DIS3L2: variants seen among roughly 807,000 people sequenced by gnomAD.
DIS3L2 encodes DIS3-like exonuclease 2.
In DIS3L2, 34 loss-of-function variants were observed where a neutral mutation model predicts 97.5. The ratio of observed to expected loss-of-function variants is 0.35; its 90% CI spans 0.27 to 0.46. DIS3L2 has a LOEUF of 0.46. Among genes scored for constraint, DIS3L2 ranks in the 20% least tolerant of loss-of-function variants. The pLI is 1.00. For missense variants in DIS3L2, 1,038 were observed against 1,146.0 expected (o/e 0.91, Z 1.36); for synonymous variants, 435 against 445.2 (o/e 0.98, Z 0.29).
At chr2:232,065,521 A>G (rs1695830181) in intron 5 of DIS3L2, among the ~76,000 whole-genome samples, 3 of 152,102 alleles carry the variant, frequency 2.0e-5, no homozygotes, top group African/African-American at 7.2e-5. Flanking sequence ...AATTTACTAT[A>G]TAAATGTGAT....
chr2:232,270,861 TC>T (rs1693974139), intron 13 of DIS3L2, among the ~76,000 whole-genome samples: 1 of 7,064 alleles, frequency 1.4e-4, no homozygotes, highest in Non-Finnish European at 3.0e-4. Flanking sequence ...CTTTTTCTCG[TC>T]TCTCTCTCTC....
Position 231,994,576 on chromosome 2 carries a change from A to T in DIS3L2, c.-93-20259A>T, listed in dbSNP as rs1342453167. 5.9e-5 allele frequency among the ~76,000 whole-genome samples: 9 copies of T among 152,124 alleles called. No individual in the cohort carries two copies. The East Asian group carries it at 1.7e-3, about 29-fold the overall frequency. On this transcript the variant is annotated intron_variant, in intron 1 of 20. Coordinates refer to ENST00000325385, the MANE Select transcript of DIS3L2 (RefSeq NM_152383.5). ...TAGGCCCCTTTACCCTCCCTGCTTT[A>T]TAGTTACATACATTGAAAACCACAT... is the stretch of plus-strand genomic sequence containing the variant.
In DIS3L2 at chr2:232,015,616, C is replaced by T. The variant is rs1216992165; in HGVS notation, c.155C>T (p.Thr52Ile). ...GGGAAGAAAAAGAGCATATTTGAAA[C>T]TTACATGTCCAAGGAGGATGTTTCA... ...TRGKKKSIFE[T>I]YMSKEDVSEG... Residue 52 changes from threonine (T) to isoleucine (I), a missense_variant, in exon 3 of 21, where the codon ACT becomes ATT. Physicochemically the swap from Thr to Ile is moderately conservative, Grantham distance 89. Coordinates refer to ENST00000325385, the MANE Select transcript of DIS3L2 (RefSeq NM_152383.5). The T allele has an allele frequency of 6.2e-7, 1 of 1,614,044 alleles. No homozygotes were observed. The highest frequency in any genetic ancestry group is 1.1e-5 in the South Asian group (1 of 91,068).
chr2:232,337,210 T>C, downstream of DIS3L2: 1 of 989,208 alleles, frequency 1.0e-6, no homozygotes, highest in Non-Finnish European at 1.2e-6. Context: ...AGCGCCCCCA[T>C]CACCCTGACG....
At chr2:232,203,787 G>A (rs1032027189) in intron 9 of DIS3L2, among the ~76,000 whole-genome samples, 2 of 152,178 alleles carry the variant, frequency 1.3e-5, no homozygotes, top group Non-Finnish European at 2.9e-5. Context: ...ATTCTTTGGG[G>A]CTGTGAGGGT....
intron 14 of DIS3L2, among the ~76,000 whole-genome samples, chr2:232,303,946 A>G (rs1411950630): frequency 1.3e-5 from 2 of 152,120 alleles, no homozygotes; most frequent in Non-Finnish European, 2.9e-5. Context: ...GCCTTCTCTA[A>G]GGCTAGAGGC....
intron 4 of DIS3L2, among the ~76,000 whole-genome samples, chr2:232,027,361 A>C (rs556999903): frequency 6.6e-6 from 1 of 152,302 alleles, no homozygotes; most frequent in South Asian, 2.1e-4. Context: ...TGTCAGAACC[A>C]GGGCCTAATT....
At chr2:232,203,811 G>A (rs1691960387) in intron 9 of DIS3L2, among the ~76,000 whole-genome samples, 1 of 152,214 alleles carries the variant, frequency 6.6e-6, no homozygotes, top group Admixed American at 6.5e-5. Context: ...CTGGAAAAAA[G>A]CTGGCATTGC....
Position 232,282,729 on chromosome 2 carries a change from C to A in DIS3L2, c.1660-17311C>A, listed in dbSNP as rs148559703. Among the ~76,000 whole-genome samples, 477 of 152,268 alleles carry A rather than the reference C, an allele frequency of 3.1e-3. 3 individuals carry two copies. The highest frequency in any genetic ancestry group is 4.7e-3 in the Non-Finnish European group (318 of 68,010). ...ACCCCTGCCTCTCTTTCGCACTGGCCCCTTCTCTGTGCTCAGTGTGCTGCT... is the reference window on the plus strand; with the variant it reads ...ACCCCTGCCTCTCTTTCGCACTGGCACCTTCTCTGTGCTCAGTGTGCTGCT... On this transcript the variant is annotated intron_variant, in intron 13 of 20. Coordinates refer to ENST00000325385, the MANE Select transcript of DIS3L2 (RefSeq NM_152383.5).
chr2:232,206,715 G>C (rs1048632953), intron 9 of DIS3L2, among the ~76,000 whole-genome samples: 1 of 152,088 alleles, frequency 6.6e-6, no homozygotes, highest in Non-Finnish European at 1.5e-5. Flanking sequence ...TGTTTGTCAG[G>C]TTCCATTTTA....
intron 6 of DIS3L2, among the ~76,000 whole-genome samples, chr2:232,110,449 C>G (rs1270034338): frequency 6.6e-6 from 1 of 152,128 alleles, no homozygotes; most frequent in Non-Finnish European, 1.5e-5. Context: ...AACCTAAATG[C>G]CCATCAGTGA....
At chr2:232,154,031 C>T (rs1372968372) in intron 8 of DIS3L2, among the ~76,000 whole-genome samples, 189 of 131,092 alleles carry the variant, frequency 1.4e-3, no homozygotes, top group African/African-American at 4.3e-3. Context: ...ACGTAGTTCT[C>T]GAGCCTTGGT....
chr2:232,288,359 G>C (rs1183067866), intron 13 of DIS3L2, among the ~76,000 whole-genome samples: 1 of 152,170 alleles, frequency 6.6e-6, no homozygotes, highest in Non-Finnish European at 1.5e-5. Context: ...ATCGTAGAGC[G>C]TCTCTTCTAA....
chr2:232,270,042 C>A (rs1430588812), intron 13 of DIS3L2, among the ~76,000 whole-genome samples: 1 of 151,916 alleles, frequency 6.6e-6, no homozygotes, highest in Non-Finnish European at 1.5e-5. Context: ...TGATTAGATG[C>A]GGAGGGGAGG....
intron 10 of DIS3L2, among the ~76,000 whole-genome samples, chr2:232,233,286 A>G (rs2087230): frequency 0.14 from 21,024 of 152,212 alleles, 1,958 homozygotes; most frequent in East Asian, 0.37. Context: ...ATGCTGGCAG[A>G]TCCAGTGTCT....
intron 10 of DIS3L2, among the ~76,000 whole-genome samples, chr2:232,225,759 C>CA (rs1159079964): frequency 6.6e-6 from 1 of 150,954 alleles, no homozygotes; most frequent in African/African-American, 2.4e-5. Context: ...TGAAGGAGTA[C>CA]AAAAAAAATG....
chr2:232,118,491 T>C (rs1697794675), intron 6 of DIS3L2, among the ~76,000 whole-genome samples: 1 of 152,244 alleles, frequency 6.6e-6, no homozygotes, highest in Admixed American at 6.5e-5. Context: ...TACAATTGAC[T>C]TAAAAACTTT....
chr2:231,971,053 T>G (rs1692891102), intron 1 of DIS3L2, among the ~76,000 whole-genome samples: 1 of 152,210 alleles, frequency 6.6e-6, no homozygotes, highest in Non-Finnish European at 1.5e-5. Context: ...TGAAAAGTCT[T>G]CAGGGGCAGT....
At chr2:232,066,789 G>C (rs377300031) in intron 5 of DIS3L2, among the ~76,000 whole-genome samples, 12 of 151,652 alleles carry the variant, frequency 7.9e-5, no homozygotes, top group African/African-American at 2.2e-4. Flanking sequence ...CATTTTTTTT[G>C]ACATTCCTAT....
Sources: allele counts gnomAD v4.1 joint callset (sites outside exome capture counted in the v4.1 genomes callset), GRCh38; gene constraint gnomAD v4.1.1; transcripts MANE v1.5; gene names NCBI Gene and HGNC (gene_info 2026-07-23, HGNC 2026-07-21).